CHST9: variants seen among roughly 807,000 people sequenced by gnomAD.
The protein encoded by CHST9 is carbohydrate sulfotransferase 9.
Under a neutral mutation model 44.4 loss-of-function variants are expected in CHST9, and 41 were observed. The ratio of observed to expected loss-of-function variants is 0.92; its 90% confidence interval spans 0.72 to 1.20. The LOEUF (loss-of-function observed/expected upper bound fraction) is 1.20, where lower values mean the gene tolerates loss of function less well. Ranked by LOEUF, CHST9 falls within the 50% of genes most tolerant of loss-of-function variation. CHST9 has a pLI of 0.00. For synonymous variants in CHST9, 171 were observed against 178.4 expected (o/e 0.96, Z 0.33); for missense variants, 504 against 516.5 (o/e 0.98, Z 0.23).
intron 4 of CHST9, among the ~76,000 whole-genome samples, chr18:26,962,981 T>A (rs924375711): frequency 2.0e-5 from 3 of 152,208 alleles, no homozygotes; most frequent in African/African-American, 7.2e-5. Context: ...TTTGAAACTT[T>A]AAAGCTGACA....
intron 4 of CHST9, among the ~76,000 whole-genome samples, chr18:27,013,435 A>C (rs1214258364): frequency 6.6e-6 from 1 of 152,202 alleles, no homozygotes; most frequent in Admixed American, 6.5e-5. Flanking sequence ...GGCATGAAAA[A>C]ATTAGGAAAA....
chr18:26,967,815 C>T (rs371247428), intron 4 of CHST9, among the ~76,000 whole-genome samples: 94 of 152,300 alleles, frequency 6.2e-4, no homozygotes, highest in African/African-American at 2.1e-3. Flanking sequence ...TCTGGGTGGA[C>T]ACAATCTAAT....
chr18:26,928,668 T>C (rs1178453880), intron 5 of CHST9, among the ~76,000 whole-genome samples: 4 of 152,140 alleles, frequency 2.6e-5, no homozygotes, highest in African/African-American at 9.7e-5. Context: ...ACAGTGGGAA[T>C]AGGAGCTGAA....
intron 1 of CHST9, among the ~76,000 whole-genome samples, chr18:27,167,705 G>A (rs2058801373): frequency 6.6e-6 from 1 of 152,214 alleles, no homozygotes; most frequent in Non-Finnish European, 1.5e-5. Context: ...GGGTAAGGTA[G>A]AGAATATTGG....
intron 2 of CHST9, among the ~76,000 whole-genome samples, chr18:27,097,850 C>T (rs928859954): frequency 1.5e-4 from 23 of 152,074 alleles, no homozygotes; most frequent in African/African-American, 5.1e-4. Flanking sequence ...ATCCTTTCCC[C>T]ATTTCTTGTT....
chr18:27,143,260 T>C (rs1169088176), intron 1 of CHST9, among the ~76,000 whole-genome samples: 2 of 152,182 alleles, frequency 1.3e-5, no homozygotes, highest in African/African-American at 4.8e-5. Context: ...AGGACGGGTT[T>C]TGAAAAACAT....
At chr18:26,944,604 G>T (rs2056134857) in intron 4 of CHST9, among the ~76,000 whole-genome samples, 2 of 152,154 alleles carry the variant, frequency 1.3e-5, no homozygotes, top group African/African-American at 4.8e-5. Context: ...TCCAATAAGG[G>T]TGATACCAGC....
chr18:27,007,705 A>T (rs1209212606), intron 4 of CHST9, among the ~76,000 whole-genome samples: 1 of 152,210 alleles, frequency 6.6e-6, no homozygotes, highest in East Asian at 1.9e-4. Context: ...AGGACAGGTC[A>T]TGTCAGATGG....
intron 4 of CHST9, among the ~76,000 whole-genome samples, chr18:27,015,210 G>A (rs1237620368): frequency 6.6e-6 from 1 of 152,110 alleles, no homozygotes; most frequent in Non-Finnish European, 1.5e-5. Flanking sequence ...CAAGCTCAAC[G>A]GCCTGGAATT....
chr18:27,138,428 A>G (rs2058535239), intron 2 of CHST9, among the ~76,000 whole-genome samples: 1 of 152,118 alleles, frequency 6.6e-6, no homozygotes, highest in Non-Finnish European at 1.5e-5. Context: ...CAGCTTCTAC[A>G]TTAGGAACCA....
intron 2 of CHST9, among the ~76,000 whole-genome samples, chr18:27,074,301 C>T (rs2057875438): frequency 6.6e-6 from 1 of 152,134 alleles, no homozygotes; most frequent in Non-Finnish European, 1.5e-5. Context: ...TTATTATTTA[C>T]CCCAAATATC....
At chr18:27,119,803 A>T (rs528470719) in intron 2 of CHST9, among the ~76,000 whole-genome samples, 2 of 152,256 alleles carry the variant, frequency 1.3e-5, no homozygotes. Context: ...TTCTTAAAAG[A>T]GTCTTTTCAT....
At chr18:26,946,846 C>CTGAGG (rs1461936423) in intron 4 of CHST9, among the ~76,000 whole-genome samples, 11 of 152,098 alleles carry the variant, frequency 7.2e-5, no homozygotes, top group Admixed American at 7.2e-4. Flanking sequence ...GGTGTTATTT[C>CTGAGG]TGAGGCCTCT....
chr18:26,962,920 G>A (rs1568111352), intron 4 of CHST9, among the ~76,000 whole-genome samples: 1 of 152,192 alleles, frequency 6.6e-6, no homozygotes. Flanking sequence ...GAAATCATTC[G>A]TGAGATGGGA....
chr18:26,952,405 G>A (rs1197441575), intron 4 of CHST9: 2 of 448,968 alleles, frequency 4.5e-6, no homozygotes, highest in East Asian at 1.1e-4. Context: ...TTTGTACATA[G>A]AGACTGCCTT....
rs183222167 is a variant in CHST9 at position 26,985,215 on chromosome 18, A to G, written c.202+38901T>C. On this transcript the variant is annotated intron_variant, in intron 4 of 5. Coordinates refer to ENST00000618847, the MANE Select transcript of CHST9 (RefSeq NM_031422.6). The stretch of plus-strand genomic sequence containing the variant: ...AACAACATGGATGAATTTCATAAGC[A>G]TATGATTAAGCAAAAGAAGACAGAC... Among the ~76,000 whole-genome samples, 4 of 152,334 alleles carry G rather than the reference A, an allele frequency of 2.6e-5. No individual in the cohort carries two copies. In the East Asian group the frequency reaches 7.7e-4, roughly 29 times the overall value.
At chr18:26,975,649 G>GTA (rs36030325) in intron 4 of CHST9, among the ~76,000 whole-genome samples, 92,133 of 126,634 alleles carry the variant, frequency 0.73, 33,561 homozygotes, top group South Asian at 0.84. Flanking sequence ...ATGTATGTGT[G>GTA]TATATATATA....
rs150417348 is a variant in CHST9, at chr18:26,988,693, G to A, written c.202+35423C>T. 5.3e-3 allele frequency among the ~76,000 whole-genome samples: 801 copies of A among 152,170 alleles called. 16 individuals are homozygous for A. Among genetic ancestry groups the A allele is most frequent in the South Asian group, 3.3e-3 (16 of 4,822 alleles). On this transcript the variant is annotated intron_variant, in intron 4 of 5. Coordinates refer to ENST00000618847, the MANE Select transcript of CHST9 (RefSeq NM_031422.6). ...TTGAAAAACATCATTAATCAAACTG[G>A]CTTGATTATTAAGAAAGACTCTATC...
intron 4 of CHST9, among the ~76,000 whole-genome samples, chr18:26,975,664 T>TATATAA (rs1555673312): frequency 9.7e-5 from 14 of 144,204 alleles, no homozygotes; most frequent in Admixed American, 7.0e-4. Context: ...TATATATATA[T>TATATAA]ATATAAATAT....
Sources: allele counts gnomAD v4.1 joint callset (sites outside exome capture counted in the v4.1 genomes callset), GRCh38; gene constraint gnomAD v4.1.1; transcripts MANE v1.5; gene names NCBI Gene and HGNC (gene_info 2026-07-23, HGNC 2026-07-21).